Variants in MYO18B observed in about 807,000 individuals in gnomAD.
The protein encoded by MYO18B is myosin XVIIIB.
A neutral mutation model predicts 273.0 loss-of-function variants in MYO18B; 204 were observed. That is an observed-to-expected ratio of 0.75 (90% CI 0.67 to 0.84). The LOEUF (loss-of-function observed/expected upper bound fraction) is 0.84, where lower values mean the gene tolerates loss of function less well. Ranked by LOEUF, MYO18B falls within the 40% of genes least tolerant of loss-of-function variation. The pLI is 0.00. For synonymous variants in MYO18B, 1,330 were observed against 1,305.7 expected, an observed-to-expected ratio of 1.02 and a Z score of -0.40; for missense variants, 3,212 against 3,287.6, an observed-to-expected ratio of 0.98 and a Z score of 0.56.
rs200174012 is a variant in MYO18B at position 25,763,346 on chromosome 22, C to T, written c.155C>T (p.Ala52Val). The change falls in exon 3 of 44, where the codon GCG becomes GTG. Residue 52 changes from alanine (A) to valine (V), a missense_variant. Coordinates refer to ENST00000335473, the MANE Select transcript of MYO18B (RefSeq NM_032608.7). ...GGGACTGAAAAAGAGGCCAAGGAAGCGAGACAGAGGAAGCAGTTAGCTGTC... is the reference window on the plus strand; with the variant it reads ...GGGACTGAAAAAGAGGCCAAGGAAGTGAGACAGAGGAAGCAGTTAGCTGTC... Reference protein sequence around the residue: ...VRGTEKEAKEARQRKQLAVAS... With the variant: ...VRGTEKEAKEVRQRKQLAVAS... 144 of 1,612,658 alleles carry T rather than the reference C, an allele frequency of 8.9e-5. No homozygotes were observed. In the Admixed American group the frequency reaches 1.6e-3, roughly 18 times the overall value.
At chr22:26,046,000 C>T in the MYO18B span, among the ~76,000 whole-genome samples, 11 of 152,226 alleles carry the variant, frequency 7.2e-5, no homozygotes, top group Non-Finnish European at 1.0e-4. Context: ...AATGGAGGCT[C>T]TGCTACTGCT....
intron 10 of MYO18B, 99 bp from the exon 11 acceptor site, chr22:25,785,329 C>A: frequency 8.5e-7 from 1 of 1,170,648 alleles, no homozygotes; most frequent in South Asian, 1.4e-5. Flanking sequence ...CCTGGGGTGT[C>A]CGGGCAGTTG....
At chr22:25,924,277 G>A (rs1224510168) in intron 34 of MYO18B, among the ~76,000 whole-genome samples, 1 of 152,174 alleles carries the variant, frequency 6.6e-6, no homozygotes, top group African/African-American at 2.4e-5. Flanking sequence ...AAAGCAGACA[G>A]GAGGATGAAG....
chr22:25,794,772 G>A (rs1183215089), intron 11 of MYO18B, among the ~76,000 whole-genome samples: 1 of 152,184 alleles, frequency 6.6e-6, no homozygotes, highest in African/African-American at 2.4e-5. Flanking sequence ...CCAAAGTGCT[G>A]GGATTACAGG....
chr22:26,043,190 G>A, the MYO18B span, among the ~76,000 whole-genome samples: 2 of 152,078 alleles, frequency 1.3e-5, no homozygotes, highest in Non-Finnish European at 2.9e-5. Context: ...CTTTCACTCA[G>A]CAAAACATTT....
At chr22:26,029,970 TG>T (rs1471559155) in intron 43 of MYO18B, among the ~76,000 whole-genome samples, 1 of 152,196 alleles carries the variant, frequency 6.6e-6, no homozygotes. Context: ...TTTCTCCTTC[TG>T]CCACCTACAC....
In MYO18B at chr22:25,895,174, G is replaced by T; in HGVS notation, c.4562G>T (p.Arg1521Leu). The T allele has an allele frequency of 6.2e-7, 1 of 1,612,376 alleles. No individual in the cohort carries two copies. The highest frequency in any genetic ancestry group is 8.5e-7 in the Non-Finnish European group (1 of 1,179,286). Residue 1521 changes from arginine (R) to leucine (L), a missense_variant, in exon 28 of 44, where the codon CGC (arginine) becomes CTC (leucine). Physicochemically the swap from Arg to Leu is moderately radical, Grantham distance 102. Coordinates refer to ENST00000335473, the MANE Select transcript of MYO18B (RefSeq NM_032608.7). Reference protein sequence around the residue: ...PTGGADEWQMRFDCAQMENEF... With the variant: ...PTGGADEWQMLFDCAQMENEF... ...TAAACAGCAGACGAGTGGCAGATGC[G>T]CTTCGACTGTGCTCAGATGGAGAAC...
At chr22:26,016,037 A>C (rs949472630) in intron 42 of MYO18B, among the ~76,000 whole-genome samples, 2 of 152,190 alleles carry the variant, frequency 1.3e-5, no homozygotes, top group African/African-American at 4.8e-5. Context: ...CTGCATCTTC[A>C]TGGGGAACTG....
chr22:25,895,861 C>T (rs1466675819), intron 28 of MYO18B, among the ~76,000 whole-genome samples: 1 of 151,230 alleles, frequency 6.6e-6, no homozygotes, highest in South Asian at 2.1e-4. Context: ...CGTTTTTGAG[C>T]TCATCTTCAA....
At chr22:25,973,608 G>A (rs1024080918) in intron 39 of MYO18B, among the ~76,000 whole-genome samples, 1 of 152,152 alleles carries the variant, frequency 6.6e-6, no homozygotes, top group Non-Finnish European at 1.5e-5. Context: ...AATTGAAGTG[G>A]AATAAAATTT....
chr22:25,849,521 C>A (rs2090360101), intron 20 of MYO18B, among the ~76,000 whole-genome samples: 1 of 152,168 alleles, frequency 6.6e-6, no homozygotes, highest in Admixed American at 6.5e-5. Context: ...CATACTCATG[C>A]ATGCTATTGA....
chr22:25,841,014 A>G (rs961501392), intron 17 of MYO18B, among the ~76,000 whole-genome samples: 1 of 152,236 alleles, frequency 6.6e-6, no homozygotes, highest in Non-Finnish European at 1.5e-5. Context: ...GAGAACATTC[A>G]ATCATCCAGA....
intron 36 of MYO18B, among the ~76,000 whole-genome samples, chr22:25,948,436 TTCCTTCC>T (rs1569224930): frequency 0.031 from 4,259 of 136,464 alleles, 105 homozygotes; most frequent in Middle Eastern, 0.083. Flanking sequence ...CCTTCCTTCC[TTCCTTCC>T]TTCCTTCCTT....
chr22:26,030,914 C>A lies in MYO18B; in HGVS notation c.*484C>A. The A allele has an allele frequency of 2.5e-6, 1 of 398,434 alleles. No homozygotes were observed. The highest frequency in any genetic ancestry group is 1.3e-4 in the South Asian group (1 of 7,824). The allele number at this position is 398,434 out of a possible 1,614,324, so 24.7% of individuals were successfully genotyped here. On this transcript the variant is annotated 3_prime_UTR_variant, in exon 44 of 44. Coordinates refer to ENST00000335473, the MANE Select transcript of MYO18B (RefSeq NM_032608.7). Reference sequence around the variant, plus strand: ...ATGCTCCCTTAATCCCCATGCTTGTCGATTATATTCCTTTGCCAATTCATT... The same window carrying A: ...ATGCTCCCTTAATCCCCATGCTTGTAGATTATATTCCTTTGCCAATTCATT...
the MYO18B span, among the ~76,000 whole-genome samples, chr22:26,042,441 T>C: frequency 6.6e-6 from 1 of 152,218 alleles, no homozygotes; most frequent in Non-Finnish European, 1.5e-5. Flanking sequence ...AAAGACTGTT[T>C]GGGGGAGCCC....
chr22:25,903,765 A>C lies in MYO18B; in HGVS notation c.5082A>C (p.Glu1694Asp), dbSNP rs368848626. 6.0e-5 allele frequency: 96 copies of C among 1,604,572 alleles called. No homozygotes were observed. The highest frequency in any genetic ancestry group is 8.0e-5 in the Non-Finnish European group (94 of 1,175,676). Reference protein sequence around the residue: ...AGLKERLWKLESSALEQQKIQ... With the variant: ...AGLKERLWKLDSSALEQQKIQ... The stretch of plus-strand genomic sequence containing the variant: ...TGAAGGAGAGGCTCTGGAAGTTGGA[A>C]TCCAGCGCCCTTGAGCAACAGAAAA... The change falls in exon 31 of 44, where the codon GAA becomes GAC. Residue 1694 changes from glutamate (E) to aspartate (D), a missense_variant. By Grantham distance (45) the Glu-to-Asp change is conservative (BLOSUM62 2). Transcript: ENST00000335473.
intron 11 of MYO18B, among the ~76,000 whole-genome samples, chr22:25,789,039 CTTCT>C (rs1239699275): frequency 1.3e-5 from 2 of 151,780 alleles, no homozygotes; most frequent in Admixed American, 6.6e-5. Context: ...TTCTTTCTTC[CTTCT>C]TTCTTTTTCT....
intron 17 of MYO18B, among the ~76,000 whole-genome samples, chr22:25,841,921 G>C (rs191172315): frequency 5.2e-4 from 79 of 152,360 alleles, no homozygotes; most frequent in African/African-American, 1.8e-3. Flanking sequence ...CTTACTCCCT[G>C]TGGGTGCTTT....
intron 42 of MYO18B, among the ~76,000 whole-genome samples, chr22:26,019,447 T>C (rs1432887606): frequency 2.0e-5 from 3 of 152,220 alleles, no homozygotes; most frequent in Non-Finnish European, 4.4e-5. Context: ...GAGCGTAAAC[T>C]TGAGTAAAGT....
Sources: allele counts gnomAD v4.1 joint callset (sites outside exome capture counted in the v4.1 genomes callset), GRCh38; gene constraint gnomAD v4.1.1; transcripts MANE v1.5; gene names NCBI Gene and HGNC (gene_info 2026-07-23, HGNC 2026-07-21).